Variants in CDC14B observed in about 807,000 individuals in gnomAD.
CDC14B encodes the protein dual specificity protein phosphatase CDC14B.
Under a neutral mutation model 64.2 loss-of-function variants are expected in CDC14B, and 22 were observed. The observed-to-expected ratio is 0.34, with a 90% CI of 0.24 to 0.49. The LOEUF is 0.49. Among genes scored for constraint, CDC14B ranks in the 20% least tolerant of loss-of-function variants. The pLI, the probability that CDC14B is intolerant of heterozygous loss-of-function variation, is 0.99. For synonymous variants in CDC14B, 191 were observed against 215.8 expected (o/e 0.89, Z 1.01); for missense variants, 498 against 629.9 (o/e 0.79, Z 2.24).
intron 9 of CDC14B, among the ~76,000 whole-genome samples, chr9:96,527,227 G>A (rs988709753): frequency 2.0e-5 from 3 of 151,754 alleles, no homozygotes; most frequent in Non-Finnish European, 2.9e-5. Flanking sequence ...GTGAAACCCC[G>A]TCTCTAGTAA....
chr9:96,553,069 C>T (rs899259071), intron 4 of CDC14B, among the ~76,000 whole-genome samples: 19 of 152,140 alleles, frequency 1.2e-4, no homozygotes, highest in African/African-American at 3.6e-4. Context: ...CACACCAATC[C>T]GATTCACTGA....
At chr9:96,541,756 A>T in intron 6 of CDC14B, 70 bp downstream of exon 6, 1 of 1,033,870 alleles carries the variant, frequency 9.7e-7, no homozygotes. Flanking sequence ...CTCGGGAAGA[A>T]GGCCTAGTTT....
intron 9 of CDC14B, among the ~76,000 whole-genome samples, chr9:96,524,403 G>A (rs1349300536): frequency 6.6e-6 from 1 of 152,114 alleles, no homozygotes; most frequent in Non-Finnish European, 1.5e-5. Flanking sequence ...TTAGAAAAAC[G>A]GTACCACCAT....
chr9:96,565,611 G>A lies in CDC14B; in HGVS notation c.161-128C>T, dbSNP rs1843801841. Reference sequence around the variant, plus strand: ...CATGCACGTTTCAGATGGTAGGAGTGGTAATGGGTAATTACAAAATATTCT... The same window carrying A: ...CATGCACGTTTCAGATGGTAGGAGTAGTAATGGGTAATTACAAAATATTCT... On this transcript the variant is annotated intron_variant, in intron 1 of 13. Transcript: ENST00000375241. The A allele has an allele frequency of 4.3e-6, 3 of 705,366 alleles. No homozygotes were observed. In the Admixed American group the frequency reaches 7.4e-5, roughly 17 times the overall value. The allele number at this position is 705,366 out of a possible 1,614,324, so 43.7% of individuals were successfully genotyped here.
intron 9 of CDC14B, among the ~76,000 whole-genome samples, chr9:96,529,684 G>C (rs1838135684): frequency 6.6e-6 from 1 of 151,740 alleles, no homozygotes; most frequent in Non-Finnish European, 1.5e-5. Context: ...GTAGAGATGG[G>C]GTTTTGCCAT....
intron 4 of CDC14B, among the ~76,000 whole-genome samples, chr9:96,554,718 T>C (rs2132112280): frequency 6.6e-6 from 1 of 152,308 alleles, no homozygotes; most frequent in East Asian, 1.9e-4. Flanking sequence ...CTATCAAAGA[T>C]ATATTTGCCA....
chr9:96,499,608 G>C (rs559158677), downstream of CDC14B, among the ~76,000 whole-genome samples: 6 of 152,186 alleles, frequency 3.9e-5, no homozygotes, highest in South Asian at 1.2e-3. Context: ...CTGGCAGCAG[G>C]AGCCCCCTGT....
intron 1 of CDC14B, among the ~76,000 whole-genome samples, chr9:96,594,322 A>G (rs756226763): frequency 7.9e-5 from 12 of 152,220 alleles, no homozygotes; most frequent in Non-Finnish European, 1.3e-4. Flanking sequence ...CAAAGAGAAG[A>G]AAGCTGCACA....
intron 1 of CDC14B, among the ~76,000 whole-genome samples, chr9:96,592,393 C>A (rs1200699316): frequency 1.3e-5 from 2 of 152,214 alleles, no homozygotes; most frequent in Non-Finnish European, 2.9e-5. Flanking sequence ...GCTGTTTTTG[C>A]TTCTCAAGCA....
intron 1 of CDC14B, among the ~76,000 whole-genome samples, chr9:96,576,058 C>G (rs572021175): frequency 6.7e-6 from 1 of 149,144 alleles, no homozygotes; most frequent in Non-Finnish European, 1.5e-5. Context: ...GGTGGATCAC[C>G]TGAGGTCAAG....
At chr9:96,564,512 T>A (rs998308136) in intron 3 of CDC14B, among the ~76,000 whole-genome samples, 6 of 152,204 alleles carry the variant, frequency 3.9e-5, no homozygotes, top group Non-Finnish European at 7.4e-5. Context: ...CTTAATTAAC[T>A]GATTCCCACT....
chr9:96,521,329 T>C (rs527882025), intron 12 of CDC14B, among the ~76,000 whole-genome samples: 1 of 152,304 alleles, frequency 6.6e-6, no homozygotes, highest in Non-Finnish European at 1.5e-5. Context: ...TCTGCCCACC[T>C]TGGCCTCCCA....
chr9:96,519,175 T>C (rs1836260940), intron 12 of CDC14B, among the ~76,000 whole-genome samples: 1 of 152,018 alleles, frequency 6.6e-6, no homozygotes, highest in Non-Finnish European at 1.5e-5. Flanking sequence ...AAAGAATTAT[T>C]TTCCATTGCT....
chr9:96,512,374 C>T (rs1835030594), intron 12 of CDC14B, among the ~76,000 whole-genome samples: 1 of 147,120 alleles, frequency 6.8e-6, no homozygotes, highest in Non-Finnish European at 1.5e-5. Flanking sequence ...GTTGCCCAGG[C>T]TGGAGTGCAG....
intron 1 of CDC14B, among the ~76,000 whole-genome samples, chr9:96,596,469 G>T (rs377613930): frequency 9.9e-5 from 15 of 151,956 alleles, no homozygotes; most frequent in African/African-American, 3.6e-4. Context: ...AAAATACACT[G>T]GATAGGACTA....
exon 14 of CDC14B, chr9:96,492,671 G>A (rs1002526346): frequency 2.6e-5 from 4 of 152,422 alleles, no homozygotes; most frequent in African/African-American, 9.7e-5. Flanking sequence ...TTGAACCTGG[G>A]AGAAGGAGGT....
At chr9:96,594,710 G>A (rs1213722568) in intron 1 of CDC14B, among the ~76,000 whole-genome samples, 1 of 93,950 alleles carries the variant, frequency 1.1e-5, no homozygotes, top group Non-Finnish European at 1.9e-5. Flanking sequence ...GAGCAAGGCT[G>A]TCTCAAAAAA....
chr9:96,618,284 C>T (rs1029241876), intron 1 of CDC14B, among the ~76,000 whole-genome samples: 1 of 152,196 alleles, frequency 6.6e-6, no homozygotes, highest in Non-Finnish European at 1.5e-5. Flanking sequence ...GACACATTCC[C>T]CGCCACTGAA....
chr9:96,582,767 G>A (rs922736119), intron 1 of CDC14B, among the ~76,000 whole-genome samples: 1 of 152,168 alleles, frequency 6.6e-6, no homozygotes, highest in African/African-American at 2.4e-5. Context: ...TTAGTTTCCT[G>A]TGTCACTGGA....
Sources: allele counts gnomAD v4.1 joint callset (sites outside exome capture counted in the v4.1 genomes callset), GRCh38; gene constraint gnomAD v4.1.1; transcripts MANE v1.5; gene names NCBI Gene and HGNC (gene_info 2026-07-23, HGNC 2026-07-21).